The following RP1L1 variants were observed in gnomAD, a reference collection of about 807,000 sequenced individuals.
RP1L1 encodes the protein retinitis pigmentosa 1-like 1 protein.
Under a neutral mutation model 15.7 loss-of-function variants are expected in RP1L1, and 27 were observed. That is an observed-to-expected ratio of 1.72 (90% CI 1.27 to 2.38). RP1L1 has a LOEUF of 2.38. RP1L1 is among the 30% of genes most tolerant of loss of function. RP1L1 has a pLI of 0.00. For synonymous variants in RP1L1, 1,813 were observed against 1,276.7 expected (o/e 1.42, Z -8.96); for missense variants, 4,798 against 3,075.9 (o/e 1.56, Z -13.24).
At chr8:10,618,640 T>A (rs1798009437) in intron 2 of RP1L1, among the ~76,000 whole-genome samples, 1 of 152,098 alleles carries the variant, frequency 6.6e-6, no homozygotes, top group Non-Finnish European at 1.5e-5. Context: ...TGCAATGAGC[T>A]GAGATTGGGC....
At position 10,646,174 on chromosome 8, in the gene RP1L1, G is replaced by A. The variant is rs569238235; in HGVS notation, c.-20+8724C>T. The stretch of plus-strand genomic sequence containing the variant: ...GGCATCCCCCACGGGGCTGCCGAGA[G>A]AGCCTGCTGTGCCGAGGACCTGGCA... On this transcript the variant is annotated intron_variant, in intron 1 of 3. Transcript: ENST00000382483. Among the ~76,000 whole-genome samples the A allele has an allele frequency of 1.1e-4, 16 of 152,376 alleles. No homozygotes were observed. The South Asian group carries it at 3.1e-3, about 30-fold the overall frequency.
At position 10,612,299 on chromosome 8, in the gene RP1L1, T is replaced by C. The variant is rs767895993; in HGVS notation, c.1799A>G (p.Gln600Arg). The change falls in exon 4 of 4, where the codon CAG becomes CGG. Residue 600 changes from glutamine (Q) to arginine (R), a missense_variant. By Grantham distance (43) the Gln-to-Arg change is conservative. Transcript: ENST00000382483. ...QAETQGQGTE[Q>R]ATGAAVTREP... ...CCTTGTCACAGCCGCTCCCGTGGCC[T>C]GCTCGGTGCCCTGTCCTTGCGTCTC... is the stretch of plus-strand genomic sequence containing the variant. 6.8e-6 allele frequency: 11 copies of C among 1,613,120 alleles called. No individual in the cohort carries two copies. Among genetic ancestry groups the C allele is most frequent in the South Asian group, 1.1e-5 (1 of 91,094 alleles).
intron 1 of RP1L1, among the ~76,000 whole-genome samples, chr8:10,625,485 G>C (rs1178217619): frequency 1.3e-5 from 2 of 151,778 alleles, no homozygotes; most frequent in African/African-American, 4.8e-5. Context: ...GCCCAGCTGG[G>C]GGTCAAGTGG....
In RP1L1 at chr8:10,608,791, A is replaced by T. The variant is rs1797765243; in HGVS notation, c.5307T>A (p.Ala1769=). ...TGTGGGTTTTCCCTTCTCTCTCCTG[A>T]GCCATTGCATCTCCCTCTGCCTCCC... ...KLGEAEGDAM[A]QEREGKTHNS... The change falls in exon 4 of 4, where the codon GCT becomes GCA. Residue 1769 remains alanine, a synonymous_variant. Transcript: ENST00000382483. 6.2e-7 allele frequency: 1 copy of T among 1,613,634 alleles called. No individual in the cohort carries two copies. Among genetic ancestry groups the T allele is most frequent in the African/African-American group, 1.3e-5 (1 of 74,748 alleles).
intron 2 of RP1L1, among the ~76,000 whole-genome samples, chr8:10,617,254 A>G (rs1352811265): frequency 1.3e-5 from 2 of 152,086 alleles, no homozygotes; most frequent in Admixed American, 6.5e-5. Flanking sequence ...CTGGACCGAG[A>G]AGCCCCTGCA....
intron 1 of RP1L1, among the ~76,000 whole-genome samples, chr8:10,644,610 C>T (rs1162254017): frequency 6.6e-6 from 1 of 152,214 alleles, no homozygotes; most frequent in African/African-American, 2.4e-5. Flanking sequence ...TGGACCTCAG[C>T]TCTTTAGTCC....
intron 2 of RP1L1, among the ~76,000 whole-genome samples, chr8:10,619,095 C>G (rs1007418125): frequency 2.0e-5 from 3 of 152,202 alleles, no homozygotes; most frequent in Non-Finnish European, 4.4e-5. Flanking sequence ...GTCTCAAACT[C>G]CTGACCTCAA....
intron 2 of RP1L1, among the ~76,000 whole-genome samples, chr8:10,620,752 G>C (rs983464450): frequency 4.6e-5 from 7 of 152,202 alleles, no homozygotes; most frequent in African/African-American, 1.7e-4. Context: ...GATTGTCTAA[G>C]GGGGAAATAG....
intron 3 of RP1L1, among the ~76,000 whole-genome samples, chr8:10,614,051 T>C (rs1189333112): frequency 6.6e-6 from 1 of 152,186 alleles, no homozygotes; most frequent in African/African-American, 2.4e-5. Context: ...TGCTAGCACA[T>C]AGTAGGCTCT....
chr8:10,607,159 G>A lies in RP1L1; in HGVS notation c.6939C>T (p.Asp2313=), dbSNP rs370109407. The change falls in exon 4 of 4, where the codon GAC becomes GAT. Residue 2313 remains aspartate (D), a synonymous_variant. Transcript: ENST00000382483. ...CTCCAAGTACATGGTCATTTTCTGA[G>A]TCTTTCTGCCAGCAGTTGCCCCAAG... ...ASSWGNCWQK[D]SENDHVLGDT... The A allele has an allele frequency of 1.9e-6, 3 of 1,614,100 alleles. No individual in the cohort carries two copies. The highest frequency in any genetic ancestry group is 2.2e-5 in the East Asian group (1 of 44,900).
In RP1L1 at chr8:10,610,548, G is replaced by A. The variant is rs1467736537; in HGVS notation, c.3550C>T (p.Leu1184Phe). The A allele has an allele frequency of 6.2e-7, 1 of 1,613,744 alleles. No homozygotes were observed. Among genetic ancestry groups the A allele is most frequent in the Non-Finnish European group, 8.5e-7 (1 of 1,180,030 alleles). The change falls in exon 4 of 4, where the codon CTT (leucine) becomes TTT (phenylalanine). Residue 1184 changes from leucine to phenylalanine, a missense_variant. Transcript: ENST00000382483. ...TTCTCCGTCATGGCATGGGACCCAA[G>A]GTCTGGCAGAGCCTGGCTCCATGTG... ...ELTWSQALPD[L>F]GSHAMTENFT...
chr8:10,606,771 T>C lies in RP1L1; in HGVS notation c.*124A>G. The C allele has an allele frequency of 6.6e-7, 1 of 1,518,712 alleles. No individual in the cohort carries two copies. The highest frequency in any genetic ancestry group is 8.8e-7 in the Non-Finnish European group (1 of 1,131,170). The allele number at this position is 1,518,712 out of a possible 1,614,324, so 94.1% of individuals were successfully genotyped here. A position where few individuals can be genotyped will look rare whatever the true frequency, so the allele number is the denominator to read the frequency against. On this transcript the variant is annotated 3_prime_UTR_variant, in exon 4 of 4. Transcript: ENST00000382483. ...TGGCATGGGCTGTGTCCTTGGCAAG[T>C]CCTTGGTCTTTGTCCATGTACTATG...
intron 1 of RP1L1, among the ~76,000 whole-genome samples, chr8:10,641,492 G>A (rs1050964959): frequency 1.5e-4 from 23 of 152,188 alleles, no homozygotes; most frequent in African/African-American, 4.8e-5. Context: ...GAACAAAAAC[G>A]AAATACACAT....
At position 10,610,878 on chromosome 8, in the gene RP1L1, C is replaced by T. The variant is rs1429076807; in HGVS notation, c.3220G>A (p.Ala1074Thr). The stretch of plus-strand genomic sequence containing the variant: ...GAGGCAGACACCCGGCCAGGAAGTG[C>T]CCGCAGGCTCACCCTGCAGCCTGCT... Reference protein sequence around the residue: ...APAGCRVSLRALPGRVSASTQ... With the variant: ...APAGCRVSLRTLPGRVSASTQ... Residue 1074 changes from alanine to threonine, a missense_variant, in exon 4 of 4, where the codon GCA becomes ACA. Transcript: ENST00000382483. 1 of 1,609,064 alleles carries T rather than the reference C, an allele frequency of 6.2e-7. No homozygotes were observed. Among genetic ancestry groups the T allele is most frequent in the East Asian group, 2.2e-5 (1 of 44,786 alleles).
rs373178973 is a variant in RP1L1 at position 10,616,399 on chromosome 8, C to T, written c.751+47G>A. 3 of 1,613,286 alleles carry T rather than the reference C, an allele frequency of 1.9e-6. No homozygotes were observed. In the East Asian group the frequency reaches 6.7e-5, roughly 36 times the overall value. On this transcript the variant is annotated intron_variant, in intron 3 of 3. Coordinates refer to ENST00000382483, the MANE Select transcript of RP1L1 (RefSeq NM_178857.6). ...GGCTTTCCACTCAGCCCTACTGAACCACCATGCAGTGCAAATCAGATGGGG... is the reference window on the plus strand; with the variant it reads ...GGCTTTCCACTCAGCCCTACTGAACTACCATGCAGTGCAAATCAGATGGGG...
rs185207657 is a variant in RP1L1, at chr8:10,622,268, C to T, written c.609+325G>A. Among the ~76,000 whole-genome samples, 61 of 148,934 alleles carry T rather than the reference C, an allele frequency of 4.1e-4. No individual in the cohort carries two copies. In the East Asian group the frequency reaches 7.3e-3, roughly 18 times the overall value. ...CCAGAAGGCAGAGGTTGCAGTGAGCCGAGATCATGCCATTGTACTGCAGCC... is the reference window on the plus strand; with the variant it reads ...CCAGAAGGCAGAGGTTGCAGTGAGCTGAGATCATGCCATTGTACTGCAGCC... On this transcript the variant is annotated intron_variant, in intron 2 of 3. Transcript: ENST00000382483.
chr8:10,610,372 T>C lies in RP1L1; in HGVS notation c.3726A>G (p.Arg1242=), dbSNP rs899828847. The C allele has an allele frequency of 1.2e-6, 2 of 1,613,988 alleles. No individual in the cohort carries two copies. Among genetic ancestry groups the C allele is most frequent in the Non-Finnish European group, 1.7e-6 (2 of 1,180,050 alleles). ...LKTSNQRPDS[R]TYESPGDLEN... ...CCAGATCCCCTGGGCTCTCATAAGT[T>C]CTTGAATCAGGCCTCTGGTTGGAGG... The change falls in exon 4 of 4, where the codon AGA becomes AGG. Residue 1242 remains arginine (R), a synonymous_variant. Transcript: ENST00000382483.
intron 1 of RP1L1, among the ~76,000 whole-genome samples, chr8:10,633,946 T>C (rs4240661): frequency 0.97 from 146,913 of 152,212 alleles, 71,085 homozygotes; most frequent in Non-Finnish European, 1. Flanking sequence ...TCAGGACTGC[T>C]GACACAATAT....
At chr8:10,621,839 G>GGTA (rs1798064835) in intron 2 of RP1L1, 6 of 457,152 alleles carry the variant, frequency 1.3e-5, no homozygotes, top group South Asian at 9.3e-5. Context: ...TTCCAGCAGA[G>GGTA]GTAGTAGCTT....
Sources: allele counts gnomAD v4.1 joint callset (sites outside exome capture counted in the v4.1 genomes callset), GRCh38; gene constraint gnomAD v4.1.1; transcripts MANE v1.5; gene names NCBI Gene and HGNC (gene_info 2026-07-23, HGNC 2026-07-21).